SRPK2: variants seen among roughly 807,000 people sequenced by gnomAD.
SRPK2 encodes the protein SRSF protein kinase 2.
Under a neutral mutation model 90.8 loss-of-function variants are expected in SRPK2, and 21 were observed. The ratio of observed to expected loss-of-function variants is 0.23; its 90% CI spans 0.16 to 0.33. The LOEUF (loss-of-function observed/expected upper bound fraction) is 0.33. Among genes scored for constraint, SRPK2 ranks in the 10% least tolerant of loss-of-function variants. The probability of loss-of-function intolerance (pLI) is 1.00; values close to 1 mark genes in which losing one functional copy is unlikely to be tolerated. For synonymous variants in SRPK2, 288 were observed against 311.1 expected (o/e 0.93, Z 0.78); for missense variants, 620 against 869.0 (o/e 0.71, Z 3.60).
At chr7:105,169,376 A>G (rs1439261161) in intron 3 of SRPK2, 111 bp from the exon 4 acceptor site, 4 of 730,714 alleles carry the variant, frequency 5.5e-6, no homozygotes, top group Non-Finnish European at 9.0e-6. Context: ...TACATAATAC[A>G]TGCAGACTAA....
intron 13 of SRPK2, among the ~76,000 whole-genome samples, chr7:105,131,252 T>C (rs915604920): frequency 5.9e-5 from 9 of 152,144 alleles, no homozygotes; most frequent in East Asian, 3.8e-4. Context: ...CATCCTGAAA[T>C]GGCCCCTGCT....
chr7:105,322,913 G>A (rs140722770), intron 2 of SRPK2, among the ~76,000 whole-genome samples: 1 of 152,230 alleles, frequency 6.6e-6, no homozygotes, highest in Non-Finnish European at 1.5e-5. Context: ...GATCAAAAAT[G>A]TCCAGCCAGA....
At chr7:105,352,066 G>A (rs908673474) in intron 2 of SRPK2, among the ~76,000 whole-genome samples, 13 of 152,180 alleles carry the variant, frequency 8.5e-5, no homozygotes, top group African/African-American at 3.1e-4. Flanking sequence ...CAGGAAGGAT[G>A]AATCATTCCC....
At chr7:105,202,995 C>T (rs1276425186) in intron 3 of SRPK2, among the ~76,000 whole-genome samples, 1 of 152,094 alleles carries the variant, frequency 6.6e-6, no homozygotes, top group Non-Finnish European at 1.5e-5. Context: ...TTTTATTGTA[C>T]TTTATTTTTT....
intron 2 of SRPK2, among the ~76,000 whole-genome samples, chr7:105,364,296 T>C (rs999846655): frequency 2.0e-5 from 3 of 152,150 alleles, no homozygotes; most frequent in African/African-American, 7.2e-5. Context: ...GCTTTTTCTG[T>C]AACAACAATG....
intron 2 of SRPK2, among the ~76,000 whole-genome samples, chr7:105,366,994 A>G (rs1010630758): frequency 2.0e-5 from 3 of 152,144 alleles, no homozygotes; most frequent in Non-Finnish European, 4.4e-5. Flanking sequence ...CCATGGTGTT[A>G]TTCAAAGTTT....
At chr7:105,328,693 T>C (rs945676253) in intron 2 of SRPK2, among the ~76,000 whole-genome samples, 3 of 148,798 alleles carry the variant, frequency 2.0e-5, no homozygotes, top group Non-Finnish European at 4.4e-5. Context: ...TGAAACCCCA[T>C]CTCTACTAAA....
At chr7:105,241,637 T>C (rs1800828326) in intron 2 of SRPK2, among the ~76,000 whole-genome samples, 1 of 152,170 alleles carries the variant, frequency 6.6e-6, no homozygotes, top group Non-Finnish European at 1.5e-5. Flanking sequence ...ATATATTCTA[T>C]CCAATATATT....
At chr7:105,135,320 ACAGGAGAGT>A (rs1185649768) in intron 11 of SRPK2, among the ~76,000 whole-genome samples, 2 of 152,218 alleles carry the variant, frequency 1.3e-5, no homozygotes, top group Non-Finnish European at 2.9e-5. Flanking sequence ...AAACCCAAAC[ACAGGAGAGT>A]CAGGACAGCA....
intron 2 of SRPK2, among the ~76,000 whole-genome samples, chr7:105,254,195 G>GA (rs554343780): frequency 1.5e-3 from 235 of 152,266 alleles, no homozygotes; most frequent in African/African-American, 5.2e-3. Context: ...AATTAACACA[G>GA]AAAGTACCAC....
chr7:105,198,621 G>C (rs1262190706), intron 3 of SRPK2, among the ~76,000 whole-genome samples: 1 of 152,076 alleles, frequency 6.6e-6, no homozygotes, highest in East Asian at 1.9e-4. Context: ...AGCACTGATG[G>C]GTATAGACAG....
chr7:105,216,455 C>T (rs1288370034), intron 2 of SRPK2, among the ~76,000 whole-genome samples: 3 of 152,038 alleles, frequency 2.0e-5, no homozygotes, highest in African/African-American at 7.3e-5. Context: ...AGTTCAAGAC[C>T]AGTCTGGCCA....
At position 105,319,504 on chromosome 7, in the gene SRPK2, CGGGGGGG is replaced by C. The variant is rs796955446; in HGVS notation, c.71+69137_71+69143del. Among the ~76,000 whole-genome samples, 3 of 5,286 alleles carry C rather than the reference CGGGGGGG, an allele frequency of 5.7e-4. 1 individual carries two copies. Among genetic ancestry groups the C allele is most frequent in the Non-Finnish European group, 2.8e-3 (3 of 1,070 alleles). The allele number at this position is 5,286 out of a possible 152,430, so 3.5% of individuals were successfully genotyped here. On this transcript the variant is annotated intron_variant, in intron 2 of 15. Coordinates refer to ENST00000393651, the MANE Select transcript of SRPK2 (RefSeq NM_182692.3). Reference sequence around the variant, plus strand: ...ACTCTTAAATTTAATGCACTTGCGGCGGGGGGGGGGGGGGCGGTGGATGGCAGGGGGA... The same window carrying C: ...ACTCTTAAATTTAATGCACTTGCGGCGGGGGGGCGGTGGATGGCAGGGGGA...
intron 2 of SRPK2, among the ~76,000 whole-genome samples, chr7:105,221,176 T>C (rs982646299): frequency 6.6e-6 from 1 of 152,066 alleles, no homozygotes; most frequent in African/African-American, 2.4e-5. Context: ...AGTTGAAAAA[T>C]CCTAAGTCAA....
chr7:105,141,562 C>G (rs1027639858), intron 11 of SRPK2, among the ~76,000 whole-genome samples: 5 of 152,156 alleles, frequency 3.3e-5, no homozygotes, highest in Admixed American at 3.3e-4. Flanking sequence ...TCAGGAACAA[C>G]TATCAAAAGA....
At chr7:105,268,953 C>T (rs1339349039) in intron 2 of SRPK2, 1 of 1,462,536 alleles carries the variant, frequency 6.8e-7, no homozygotes. Context: ...CTTCTCTAAT[C>T]CCTTTTGTTC....
intron 2 of SRPK2, among the ~76,000 whole-genome samples, chr7:105,253,536 G>A (rs1325302576): frequency 6.6e-6 from 1 of 151,814 alleles, no homozygotes; most frequent in Non-Finnish European, 1.5e-5. Flanking sequence ...CTCTTTTCCC[G>A]CTTATGCAAG....
intron 2 of SRPK2, among the ~76,000 whole-genome samples, chr7:105,211,937 A>G (rs139092809): frequency 9.2e-5 from 14 of 152,272 alleles, no homozygotes; most frequent in African/African-American, 1.4e-4. Flanking sequence ...TGGTGTTCTA[A>G]AGGTATTGCT....
In SRPK2 at chr7:105,320,595, T is replaced by G. The variant is rs560324427; in HGVS notation, c.71+68053A>C. Among the ~76,000 whole-genome samples the G allele has an allele frequency of 6.6e-5, 10 of 152,250 alleles. No individual in the cohort carries two copies. In the East Asian group the frequency reaches 1.9e-3, roughly 29 times the overall value. On this transcript the variant is annotated intron_variant, in intron 2 of 15. Transcript: ENST00000393651. ...AAATAAAAATAAAATCAGTAATAAT[T>G]TAGCCATTTAGTTTCAAAGTTATAG...
Sources: allele counts gnomAD v4.1 joint callset (sites outside exome capture counted in the v4.1 genomes callset), GRCh38; gene constraint gnomAD v4.1.1; transcripts MANE v1.5; gene names NCBI Gene and HGNC (gene_info 2026-07-23, HGNC 2026-07-21).